MEIOB: variants seen among roughly 807,000 people sequenced by gnomAD.
MEIOB encodes meiosis specific with OB-fold, also known as meiosis-specific with OB domain-containing protein.
In MEIOB, 50 loss-of-function variants were observed where a neutral mutation model predicts 53.1. That is an observed-to-expected ratio of 0.94 (90% CI 0.75 to 1.19). MEIOB has a LOEUF of 1.19. MEIOB is among the 50% of genes most tolerant of loss of function. MEIOB has a pLI of 0.00. For missense variants in MEIOB, 551 were observed against 550.8 expected, an observed-to-expected ratio of 1.00 and a Z score of 0.00; for synonymous variants, 192 against 182.5, an observed-to-expected ratio of 1.05 and a Z score of -0.42.
At position 1,834,874 on chromosome 16, in the gene MEIOB, G is replaced by T. The variant is rs574016375; in HGVS notation, c.1306-508C>A. Among the ~76,000 whole-genome samples the T allele has an allele frequency of 1.3e-4, 20 of 152,228 alleles. No individual in the cohort carries two copies. In the East Asian group the frequency reaches 3.9e-3, roughly 29 times the overall value. Reference sequence around the variant, plus strand: ...CCCTTGAACCCGGGAGGCAGAGGTTGCAGTGAGCAGAGATTGTGCCATTGC... The same window carrying T: ...CCCTTGAACCCGGGAGGCAGAGGTTTCAGTGAGCAGAGATTGTGCCATTGC... On this transcript the variant is annotated intron_variant, in intron 13 of 13. Coordinates refer to ENST00000325962, the MANE Select transcript of MEIOB (RefSeq NM_001163560.3).
At chr16:1,870,625 CG>C (rs1458450039) in intron 1 of MEIOB, among the ~76,000 whole-genome samples, 5 of 152,154 alleles carry the variant, frequency 3.3e-5, no homozygotes, top group Non-Finnish European at 5.9e-5. Context: ...CAAGATGCCT[CG>C]ATGTTCACAG....
chr16:1,854,276 A>G (rs1899242929), intron 6 of MEIOB, 76 bp from the exon 7 acceptor site: 9 of 833,220 alleles, frequency 1.1e-5, no homozygotes, highest in Non-Finnish European at 1.7e-5. Flanking sequence ...AAAATACTCA[A>G]ATGTTCACCT....
At chr16:1,846,007 T>C (rs1049655169) in intron 9 of MEIOB, among the ~76,000 whole-genome samples, 7 of 152,182 alleles carry the variant, frequency 4.6e-5, no homozygotes, top group African/African-American at 1.7e-4. Context: ...CAGAACTAGG[T>C]TGTCAAATCC....
In MEIOB at chr16:1,834,243, A is replaced by G; in HGVS notation, c.*13T>C. 2.7e-6 allele frequency: 4 copies of G among 1,464,478 alleles called. No homozygotes were observed. Among genetic ancestry groups the G allele is most frequent in the Non-Finnish European group, 2.9e-6 (3 of 1,050,942 alleles). The allele number at this position is 1,464,478 out of a possible 1,614,324, so 90.7% of individuals were successfully genotyped here. On this transcript the variant is annotated 3_prime_UTR_variant, in exon 14 of 14. Coordinates refer to ENST00000325962, the MANE Select transcript of MEIOB (RefSeq NM_001163560.3). ...CTCTTATACTTTTCCAGAGTTCAAAATGATAGACCGTTTTAAACATGTTTT... is the reference window on the plus strand; with the variant it reads ...CTCTTATACTTTTCCAGAGTTCAAAGTGATAGACCGTTTTAAACATGTTTT...
rs1899210326 is a variant in MEIOB, at chr16:1,853,052, A to C, written c.765T>G (p.Ile255Met). 6.2e-7 allele frequency: 1 copy of C among 1,610,266 alleles called. No individual in the cohort carries two copies. Among genetic ancestry groups the C allele is most frequent in the Non-Finnish European group, 8.5e-7 (1 of 1,176,862 alleles). The stretch of plus-strand genomic sequence containing the variant: ...AAAGTTTTTTACCTGGATTAGTTGT[A>C]ATAATGGTTTTTGAGATTACAGTTG... ...MTATVISKTI[I>M]TTNPDIPEAN... The change falls in exon 9 of 14, where the codon ATT (isoleucine) becomes ATG (methionine). Residue 255 changes from isoleucine to methionine, a missense_variant. Physicochemically the swap from Ile to Met is conservative, Grantham distance 10. Transcript: ENST00000325962.
intron 12 of MEIOB, chr16:1,838,263 G>C (rs62038405): frequency 0.18 from 72,667 of 411,750 alleles, 6,791 homozygotes; most frequent in South Asian, 0.27. Context: ...GCCTCCCAAA[G>C]TGGTAGGATT....
chr16:1,866,779 GA>G (rs879806160), intron 2 of MEIOB, among the ~76,000 whole-genome samples: 1 of 151,908 alleles, frequency 6.6e-6, no homozygotes, highest in Non-Finnish European at 1.5e-5. Flanking sequence ...TTTCTGAAAG[GA>G]AAAAAACTAA....
In MEIOB at chr16:1,857,843, T is replaced by A. The variant is rs1899347351; in HGVS notation, c.420A>T (p.Ile140=). 6.4e-7 allele frequency: 1 copy of A among 1,551,346 alleles called. No homozygotes were observed. Among genetic ancestry groups the A allele is most frequent in the East Asian group, 2.4e-5 (1 of 40,892 alleles). ...YEVDTKLLSL[I]HLPVKESHDY... is the part of the protein sequence containing the mutation. ...CATGAGACTCTTTAACAGGTAAATG[T>A]ATCAAAGAAAGTAACTTTGTGTCCA... The change falls in exon 6 of 14, where the codon ATA becomes ATT. Residue 140 remains isoleucine (I), a synonymous_variant. Coordinates refer to ENST00000325962, the MANE Select transcript of MEIOB (RefSeq NM_001163560.3).
intron 9 of MEIOB, among the ~76,000 whole-genome samples, chr16:1,847,637 G>C (rs1230412770): frequency 6.6e-6 from 1 of 151,600 alleles, no homozygotes; most frequent in Non-Finnish European, 1.5e-5. Flanking sequence ...AAAAAACAGA[G>C]AAAGAAAGAG....
chr16:1,839,693 C>G lies in MEIOB; in HGVS notation c.1035-255G>C, dbSNP rs534171954. ...TCCTTCCCTCCCTCTGCCAAGCCCTCGAGGTCCATCCCAGTCTCATTTCCT... is the reference window on the plus strand; with the variant it reads ...TCCTTCCCTCCCTCTGCCAAGCCCTGGAGGTCCATCCCAGTCTCATTTCCT... On this transcript the variant is annotated intron_variant, in intron 11 of 13. Coordinates refer to ENST00000325962, the MANE Select transcript of MEIOB (RefSeq NM_001163560.3). The G allele has an allele frequency of 7.0e-5, 28 of 402,748 alleles. 1 individual carries two copies. The South Asian group carries it at 8.4e-4, about 12-fold the overall frequency. 24.9% of individuals were successfully genotyped at this position (402,748 alleles called of 1,614,324 possible). A position where few individuals can be genotyped will look rare whatever the true frequency, so the allele number is the denominator to read the frequency against.
rs1482527259 is a variant in MEIOB, at chr16:1,863,260, CG to C, written c.128-1145del. ...GCTGGAGTTCAGTGACGCGATCTCT[CG>C]GCTCACTGCAACCCCTGCCTCCCAG... On this transcript the variant is annotated intron_variant, in intron 3 of 13. Coordinates refer to ENST00000325962, the MANE Select transcript of MEIOB (RefSeq NM_001163560.3). Among the ~76,000 whole-genome samples the C allele has an allele frequency of 1.1e-4, 17 of 151,998 alleles. No individual in the cohort carries two copies. In the South Asian group the frequency reaches 2.1e-3, roughly 19 times the overall value.
intron 1 of MEIOB, among the ~76,000 whole-genome samples, chr16:1,871,571 C>G (rs1233466167): frequency 7.3e-6 from 1 of 136,392 alleles, no homozygotes; most frequent in Admixed American, 8.0e-5. Context: ...GTTGCCCAGA[C>G]CGGAGTGCAA....
In MEIOB at chr16:1,844,962, A is replaced by T. The variant is rs1373280552; in HGVS notation, c.780T>A (p.Asp260Glu). The change falls in exon 10 of 14, where the codon GAT becomes GAA. Residue 260 changes from aspartate (D) to glutamate (E), a missense_variant and splice_region_variant. Coordinates refer to ENST00000325962, the MANE Select transcript of MEIOB (RefSeq NM_001163560.3). The stretch of plus-strand genomic sequence containing the variant: ...TCAGCAGAATGTTAGCTTCTGGTAT[A>T]TCTTAAATTGAAAATGCATAATAAG... Reference protein sequence around the residue: ...ISKTIITTNPDIPEANILLNF... With the variant: ...ISKTIITTNPEIPEANILLNF... 1 of 1,400,398 alleles carries T rather than the reference A, an allele frequency of 7.1e-7. No individual in the cohort carries two copies. The highest frequency in any genetic ancestry group is 2.3e-5 in the East Asian group (1 of 42,682). 86.7% of individuals were successfully genotyped at this position (1,400,398 alleles called of 1,614,324 possible).
chr16:1,861,705 G>C (rs958783587), intron 4 of MEIOB, among the ~76,000 whole-genome samples: 1 of 151,764 alleles, frequency 6.6e-6, no homozygotes, highest in African/African-American at 2.4e-5. Context: ...ACCACACCCA[G>C]CTAATTTTTT....
chr16:1,853,705 T>A (rs955933622), intron 7 of MEIOB, among the ~76,000 whole-genome samples: 1 of 152,204 alleles, frequency 6.6e-6, no homozygotes, highest in South Asian at 2.1e-4. Context: ...CAATGCCTTG[T>A]TGTACCTGGC....
chr16:1,861,470 T>C (rs1899440408), intron 4 of MEIOB, among the ~76,000 whole-genome samples: 1 of 151,718 alleles, frequency 6.6e-6, no homozygotes, highest in African/African-American at 2.4e-5. Context: ...TAAGGTTATT[T>C]AGTAAAAATA....
Position 1,853,087 on chromosome 16 carries a change from A to G in MEIOB, c.730T>C (p.Cys244Arg). The stretch of plus-strand genomic sequence containing the variant: ...TTTGAGATTACAGTTGCTGTCATGC[A>G]GTTCCGAAATTTGTCAAAATTTATT... ...VRINFDKFRN[C>R]MTATVISKTI... Residue 244 changes from cysteine to arginine, a missense_variant, in exon 9 of 14, where the codon TGC becomes CGC. Coordinates refer to ENST00000325962, the MANE Select transcript of MEIOB (RefSeq NM_001163560.3). 1 of 1,613,182 alleles carries G rather than the reference A, an allele frequency of 6.2e-7. No individual in the cohort carries two copies.
At chr16:1,861,594 G>T (rs940355927) in intron 4 of MEIOB, among the ~76,000 whole-genome samples, 1 of 141,080 alleles carries the variant, frequency 7.1e-6, no homozygotes, top group East Asian at 2.1e-4. Flanking sequence ...TCAGGCTGGA[G>T]TGCAGAGGTA....
chr16:1,863,540 C>G (rs1899509421), intron 3 of MEIOB, among the ~76,000 whole-genome samples: 1 of 151,854 alleles, frequency 6.6e-6, no homozygotes, highest in South Asian at 2.1e-4. Flanking sequence ...GCGCCTGCCA[C>G]CATGCCTGGC....
Sources: gnomAD v4.1 joint callset for allele counts (sites outside exome capture counted in the v4.1 genomes callset) on GRCh38, gnomAD v4.1.1 for gene constraint, MANE v1.5 for transcripts, NCBI Gene and HGNC (gene_info 2026-07-23, HGNC 2026-07-21) for gene names.